Variants in ELMO1 observed in about 807,000 individuals in gnomAD.
ELMO1 encodes engulfment and cell motility 1.
In ELMO1, 26 loss-of-function variants were observed where a neutral mutation model predicts 98.9. The observed-to-expected ratio is 0.26, with a 90% CI of 0.19 to 0.36. The LOEUF (loss-of-function observed/expected upper bound fraction) is 0.36, where lower values mean the gene tolerates loss of function less well. Among genes scored for constraint, ELMO1 ranks in the 10% least tolerant of loss-of-function variants. The pLI, the probability that ELMO1 is intolerant of heterozygous loss-of-function variation, is 1.00. For missense variants in ELMO1, 627 were observed against 935.2 expected (o/e 0.67, Z 4.30); for synonymous variants, 346 against 346.0 (o/e 1.00, Z 0.00).
At chr7:36,962,706 A>C (rs1460693362) in intron 16 of ELMO1, among the ~76,000 whole-genome samples, 1 of 152,122 alleles carries the variant, frequency 6.6e-6, no homozygotes, top group African/African-American at 2.4e-5. Flanking sequence ...ACAACAAAGG[A>C]AATCTAAAAT....
At chr7:37,046,382 C>A (rs1200312308) in intron 15 of ELMO1, among the ~76,000 whole-genome samples, 1 of 152,168 alleles carries the variant, frequency 6.6e-6, no homozygotes, top group Admixed American at 6.5e-5. Flanking sequence ...AGATACTAGT[C>A]CTCAGTAATG....
chr7:37,171,177 C>T (rs1326412768), intron 13 of ELMO1, among the ~76,000 whole-genome samples: 2 of 151,862 alleles, frequency 1.3e-5, no homozygotes, highest in Non-Finnish European at 2.9e-5. Context: ...TGATAAATGC[C>T]TATATATCGT....
intron 1 of ELMO1, among the ~76,000 whole-genome samples, chr7:37,407,599 A>G (rs1202223408): frequency 1.3e-5 from 2 of 152,172 alleles, no homozygotes; most frequent in African/African-American, 2.4e-5. Flanking sequence ...GATTCCAACT[A>G]TATGTCATTC....
chr7:37,220,970 T>C (rs1250555785), intron 10 of ELMO1, among the ~76,000 whole-genome samples: 4 of 152,152 alleles, frequency 2.6e-5, no homozygotes, highest in Non-Finnish European at 4.4e-5. Context: ...CTTGGGTATG[T>C]ACACGGTGAG....
At chr7:37,206,831 T>TA (rs1792653317) in intron 13 of ELMO1, among the ~76,000 whole-genome samples, 3 of 151,532 alleles carry the variant, frequency 2.0e-5, no homozygotes, top group Non-Finnish European at 2.9e-5. Context: ...ATTTCTTTTT[T>TA]TAAAAAAAAA....
intron 15 of ELMO1, among the ~76,000 whole-genome samples, chr7:37,087,989 A>C (rs17170870): frequency 0.031 from 4,653 of 152,218 alleles, 136 homozygotes; most frequent in African/African-American, 0.079. Flanking sequence ...GATGAACCAG[A>C]AGTGTTTCTA....
At chr7:37,126,300 AATATATATAT>A (rs201860679) in intron 14 of ELMO1, among the ~76,000 whole-genome samples, 9 of 134,120 alleles carry the variant, frequency 6.7e-5, no homozygotes, top group South Asian at 2.4e-4. Context: ...GTATAATTTA[AATATATATAT>A]ATATATATAT....
chr7:37,405,617 CAT>C (rs1266527117), intron 1 of ELMO1, among the ~76,000 whole-genome samples: 4 of 152,202 alleles, frequency 2.6e-5, no homozygotes, highest in Non-Finnish European at 5.9e-5. Flanking sequence ...ACACTGAAGT[CAT>C]GTGTGGCATG....
chr7:37,108,623 A>G (rs1484293486), intron 14 of ELMO1, among the ~76,000 whole-genome samples: 1 of 152,108 alleles, frequency 6.6e-6, no homozygotes, highest in Non-Finnish European at 1.5e-5. Flanking sequence ...AACAATTCCC[A>G]TTTTATGCCC....
At chr7:37,122,746 G>A (rs1454825123) in intron 14 of ELMO1, among the ~76,000 whole-genome samples, 1 of 152,092 alleles carries the variant, frequency 6.6e-6, no homozygotes, top group Non-Finnish European at 1.5e-5. Flanking sequence ...AGTTAATAAG[G>A]ATATCCAGGA....
chr7:37,403,779 C>G (rs1803632039), intron 1 of ELMO1, among the ~76,000 whole-genome samples: 2 of 152,158 alleles, frequency 1.3e-5, no homozygotes, highest in South Asian at 4.1e-4. Context: ...CTCCGGGCCT[C>G]AAGTGATCCT....
chr7:37,293,632 T>C (rs1797869838), intron 4 of ELMO1, among the ~76,000 whole-genome samples: 1 of 105,410 alleles, frequency 9.5e-6, no homozygotes, highest in South Asian at 3.2e-4. Context: ...TTTGTTCACT[T>C]GTTTATCTGC....
At chr7:37,297,181 GCTC>G (rs1362730642) in intron 4 of ELMO1, among the ~76,000 whole-genome samples, 1 of 152,094 alleles carries the variant, frequency 6.6e-6, no homozygotes, top group Admixed American at 6.5e-5. Flanking sequence ...CCTTCACTGT[GCTC>G]CTATCCATTA....
intron 13 of ELMO1, among the ~76,000 whole-genome samples, chr7:37,157,509 C>A (rs1788868965): frequency 6.6e-6 from 1 of 151,826 alleles, no homozygotes; most frequent in Non-Finnish European, 1.5e-5. Context: ...CACAAGCATT[C>A]CTATGTACCA....
At chr7:37,257,016 C>T (rs1471973627) in intron 6 of ELMO1, among the ~76,000 whole-genome samples, 1 of 152,220 alleles carries the variant, frequency 6.6e-6, no homozygotes, top group Non-Finnish European at 1.5e-5. Context: ...TCAGCAATTT[C>T]ACATGCTTTA....
chr7:37,182,462 CTTTT>C (rs59657539), intron 13 of ELMO1, among the ~76,000 whole-genome samples: 874 of 14,678 alleles, frequency 0.06, 130 homozygotes, highest in South Asian at 0.16. Flanking sequence ...TTGTGCTCTA[CTTTT>C]TTTTTTTTTT....
intron 1 of ELMO1, among the ~76,000 whole-genome samples, chr7:37,366,774 C>G (rs181965596): frequency 6.6e-6 from 1 of 152,190 alleles, no homozygotes; most frequent in South Asian, 2.1e-4. Flanking sequence ...ACTCCTCTAA[C>G]GGAGAAAGAG....
intron 16 of ELMO1, 35 bp downstream of exon 16, chr7:37,013,264 G>A (rs201355600): frequency 1.3e-4 from 205 of 1,610,188 alleles, no homozygotes; most frequent in Middle Eastern, 8.3e-4. Flanking sequence ...TTAGCGCTGC[G>A]GGAATCCCCT....
rs148506582 is a variant in ELMO1 at position 37,309,077 on chromosome 7, C to G, written c.192+5773G>C. On this transcript the variant is annotated intron_variant, in intron 4 of 21. Coordinates refer to ENST00000310758, the MANE Select transcript of ELMO1 (RefSeq NM_014800.11). ...CAAAGGGAAAAGCAGTGTATTAGTCCGTTCTCATGCTGCTAATAAAGACAT... is the reference window on the plus strand; with the variant it reads ...CAAAGGGAAAAGCAGTGTATTAGTCGGTTCTCATGCTGCTAATAAAGACAT... 3.5e-3 allele frequency among the ~76,000 whole-genome samples: 539 copies of G among 152,160 alleles called. 5 individuals carry two copies. Among genetic ancestry groups the G allele is most frequent in the African/African-American group, 0.012 (515 of 41,496 alleles).
Sources: gnomAD v4.1 joint callset for allele counts (sites outside exome capture counted in the v4.1 genomes callset) on GRCh38, gnomAD v4.1.1 for gene constraint, MANE v1.5 for transcripts, NCBI Gene and HGNC (gene_info 2026-07-23, HGNC 2026-07-21) for gene names.